Variants in ARHGAP18 observed in about 807,000 individuals in gnomAD.
ARHGAP18 encodes Rho GTPase activating protein 18.
A neutral mutation model predicts 86.2 loss-of-function variants in ARHGAP18; 67 were observed. That is an observed-to-expected ratio of 0.78 (90% CI 0.64 to 0.95). The LOEUF is 0.95. ARHGAP18 is among the 40% of genes least tolerant of loss of function. ARHGAP18 has a pLI of 0.00. For missense variants in ARHGAP18, 691 were observed against 780.4 expected (o/e 0.89, Z 1.37); for synonymous variants, 283 against 280.4 (o/e 1.01, Z -0.09).
intron 1 of ARHGAP18, among the ~76,000 whole-genome samples, chr6:129,701,370 C>G (rs576939133): frequency 7.9e-5 from 12 of 152,300 alleles, no homozygotes; most frequent in African/African-American, 2.9e-4. Flanking sequence ...TACCCACAGA[C>G]CCTGCTTTTC....
At chr6:129,629,849 ATTG>A (rs924590280) in intron 4 of ARHGAP18, among the ~76,000 whole-genome samples, 48 of 152,304 alleles carry the variant, frequency 3.2e-4, no homozygotes, top group African/African-American at 1.2e-3. Flanking sequence ...TGAAGTATTA[ATTG>A]TTGTTTTATT....
chr6:129,633,254 C>A (rs1311839943), intron 4 of ARHGAP18, among the ~76,000 whole-genome samples: 1 of 139,958 alleles, frequency 7.1e-6, no homozygotes, highest in Admixed American at 7.2e-5. Flanking sequence ...ATGGTGAAAC[C>A]CTGTCTCTAC....
intron 12 of ARHGAP18, among the ~76,000 whole-genome samples, chr6:129,585,937 C>T (rs1788387714): frequency 1.3e-5 from 2 of 152,216 alleles, no homozygotes; most frequent in African/African-American, 2.4e-5. Flanking sequence ...ATTGATACTT[C>T]AGTCTATGAC....
At chr6:129,673,753 A>G (rs1192475446) in intron 1 of ARHGAP18, among the ~76,000 whole-genome samples, 1 of 152,224 alleles carries the variant, frequency 6.6e-6, no homozygotes, top group Non-Finnish European at 1.5e-5. Flanking sequence ...AAAATCCAAA[A>G]TAACAACTCA....
At chr6:129,661,458 T>G (rs1045509807) in intron 1 of ARHGAP18, among the ~76,000 whole-genome samples, 1 of 151,512 alleles carries the variant, frequency 6.6e-6, no homozygotes, top group Non-Finnish European at 1.5e-5. Context: ...TTCATTCTAC[T>G]TTACTGTTTC....
At chr6:129,665,051 T>G (rs1444633741) in intron 1 of ARHGAP18, among the ~76,000 whole-genome samples, 2 of 152,168 alleles carry the variant, frequency 1.3e-5, no homozygotes, top group Admixed American at 1.3e-4. Flanking sequence ...GACAGAGCCT[T>G]TAGCACTTTT....
intron 5 of ARHGAP18, among the ~76,000 whole-genome samples, chr6:129,625,221 TA>T (rs1259896785): frequency 5.4e-5 from 5 of 92,044 alleles, no homozygotes; most frequent in Admixed American, 3.7e-4. Context: ...ATATATATGA[TA>T]TATGATATAT....
chr6:129,578,858 G>T (rs1341826968), intron 14 of ARHGAP18, among the ~76,000 whole-genome samples: 1 of 152,122 alleles, frequency 6.6e-6, no homozygotes, highest in Non-Finnish European at 1.5e-5. Flanking sequence ...CAGCTACTCA[G>T]GGGGCTGAGG....
intron 3 of ARHGAP18, among the ~76,000 whole-genome samples, chr6:129,637,928 A>G (rs1335046349): frequency 6.6e-6 from 1 of 152,218 alleles, no homozygotes; most frequent in East Asian, 1.9e-4. Flanking sequence ...CATGTCTCAA[A>G]GTTCCTGCTT....
chr6:129,668,828 C>T (rs78155249), intron 1 of ARHGAP18, among the ~76,000 whole-genome samples: 5,613 of 152,200 alleles, frequency 0.037, 321 homozygotes, highest in African/African-American at 0.12. Context: ...TATGATGAGA[C>T]CCCTTTAGTG....
chr6:129,583,844 G>A, intron 13 of ARHGAP18, 144 bp downstream of exon 13: 1 of 1,021,392 alleles, frequency 9.8e-7, no homozygotes, highest in East Asian at 2.7e-5. Flanking sequence ...CTCTTCTGCT[G>A]GGAAGACAAT....
intron 1 of ARHGAP18, among the ~76,000 whole-genome samples, chr6:129,689,014 T>C (rs568983940): frequency 6.6e-6 from 1 of 152,216 alleles, no homozygotes; most frequent in African/African-American, 2.4e-5. Context: ...TTCTAAGTAA[T>C]TCTTTAGCAT....
intron 5 of ARHGAP18, among the ~76,000 whole-genome samples, chr6:129,625,186 T>TATATG (rs1562696567): frequency 2.2e-4 from 10 of 44,622 alleles, no homozygotes; most frequent in Admixed American, 6.2e-4. Flanking sequence ...TATTATATAT[T>TATATG]ATATATGATA....
chr6:129,588,341 C>G (rs1394854879), intron 12 of ARHGAP18, among the ~76,000 whole-genome samples: 3 of 152,176 alleles, frequency 2.0e-5, no homozygotes. Flanking sequence ...GTCTTGAACC[C>G]CTGACCTCAA....
At chr6:129,643,229 AT>A (rs1271391459) in intron 1 of ARHGAP18, among the ~76,000 whole-genome samples, 1 of 152,108 alleles carries the variant, frequency 6.6e-6, no homozygotes, top group East Asian at 1.9e-4. Context: ...TGGTTTGGCT[AT>A]GTCCCCACCC....
At chr6:129,589,272 T>C (rs1240517663) in intron 12 of ARHGAP18, among the ~76,000 whole-genome samples, 2 of 152,172 alleles carry the variant, frequency 1.3e-5, no homozygotes, top group African/African-American at 4.8e-5. Context: ...TCCCCTTCAA[T>C]GCTTTGCCGC....
chr6:129,588,121 CTT>C (rs398066269), intron 12 of ARHGAP18, among the ~76,000 whole-genome samples: 10 of 142,518 alleles, frequency 7.0e-5, no homozygotes, highest in Admixed American at 1.4e-4. Flanking sequence ...GTCACCAAAT[CTT>C]TTTTTTTTTT....
At chr6:129,667,319 A>C (rs1177383721) in intron 1 of ARHGAP18, among the ~76,000 whole-genome samples, 1 of 152,168 alleles carries the variant, frequency 6.6e-6, no homozygotes, top group Non-Finnish European at 1.5e-5. Flanking sequence ...GATAGATAGA[A>C]TTGAACTACA....
intron 4 of ARHGAP18, among the ~76,000 whole-genome samples, chr6:129,630,730 T>C (rs1773185305): frequency 6.6e-6 from 1 of 152,168 alleles, no homozygotes; most frequent in Non-Finnish European, 1.5e-5. Flanking sequence ...GCATGAGACC[T>C]GTGCAGCCAC....
Sources: allele counts gnomAD v4.1 joint callset (sites outside exome capture counted in the v4.1 genomes callset), GRCh38; gene constraint gnomAD v4.1.1; transcripts MANE v1.5; gene names NCBI Gene and HGNC (gene_info 2026-07-23, HGNC 2026-07-21).